Variants in FASTK observed in about 807,000 individuals in gnomAD.
FASTK encodes the protein fas-activated serine/threonine kinase.
In FASTK, 28 loss-of-function variants were observed where a neutral mutation model predicts 60.0. The ratio of observed to expected loss-of-function variants is 0.47; its 90% CI spans 0.35 to 0.64. The LOEUF (loss-of-function observed/expected upper bound fraction) is 0.64. FASTK is among the 30% of genes least tolerant of loss of function. The pLI, the probability that FASTK is intolerant of heterozygous loss-of-function variation, is 0.01. For missense variants in FASTK, 595 were observed against 713.8 expected, an observed-to-expected ratio of 0.83 and a Z score of 1.90; for synonymous variants, 325 against 307.9, an observed-to-expected ratio of 1.06 and a Z score of -0.58.
chr7:151,079,808 C>T lies in FASTK; in HGVS notation c.197G>A (p.Ser66Asn), dbSNP rs1281041768. The change falls in exon 2 of 10, where the codon AGC (serine) becomes AAC (asparagine). Residue 66 changes from serine (S) to asparagine (N), a missense_variant. Ser to Asn is a conservative substitution (Grantham distance 46, BLOSUM62 1). Around this residue, in one of 2 missense-constraint regions of FASTK, gnomAD observed 124 missense variants for 107.9 expected, o/e 1.15. Coordinates refer to ENST00000297532, the MANE Select transcript of FASTK (RefSeq NM_006712.5). ...TCCAACAGGCCGGTCCCCCCATTTG[C>T]TGGGCCCCAAACAGCAGGGCTGTAC... ...PPVQPCCLGP[S>N]KWGDRPVGGG... 1.2e-6 allele frequency: 2 copies of T among 1,600,808 alleles called. No homozygotes were observed. Among genetic ancestry groups the T allele is most frequent in the Non-Finnish European group, 1.7e-6 (2 of 1,173,724 alleles).
chr7:151,079,283 G>A (rs1227236464), intron 2 of FASTK: 4 of 597,704 alleles, frequency 6.7e-6, no homozygotes, highest in Non-Finnish European at 1.1e-5. Flanking sequence ...GGCTTCCTAG[G>A]GCACTCTATT....
chr7:151,080,238 C>T, intron 1 of FASTK: 1 of 388,912 alleles, frequency 2.6e-6, no homozygotes, highest in Non-Finnish European at 4.6e-6. Context: ...AACGCAGGCC[C>T]AGAGCAGCGA....
At chr7:151,080,187 G>A (rs535450477) in intron 1 of FASTK, 5 of 469,924 alleles carry the variant, frequency 1.1e-5, no homozygotes, top group Admixed American at 7.7e-5. Context: ...CGCCCATGAA[G>A]AGTAGGCAGG....
intron 1 of FASTK, chr7:151,080,235 GC>G (rs1797913488): frequency 5.1e-6 from 2 of 388,730 alleles, no homozygotes; most frequent in Non-Finnish European, 9.2e-6. Flanking sequence ...AGAAACGCAG[GC>G]CCAGAGCAGC....
At chr7:151,080,206 T>C in intron 1 of FASTK, 1 of 423,510 alleles carries the variant, frequency 2.4e-6, no homozygotes, top group Non-Finnish European at 4.2e-6. Context: ...GGGCTGGCAT[T>C]ACCTCATTTC....
At chr7:151,079,079 TG>T (rs1218047534) in intron 2 of FASTK, 58 bp from the exon 3 acceptor site, 1 of 1,370,302 alleles carries the variant, frequency 7.3e-7, no homozygotes, top group Non-Finnish European at 9.6e-7. Context: ...GTTCTTATCA[TG>T]GGGTTACTTG....
Position 151,078,487 on chromosome 7 carries a change from G to A in FASTK, c.825+75C>T, listed in dbSNP as rs549641671. The A allele has an allele frequency of 2.9e-3, 4,484 of 1,521,984 alleles. 12 individuals are homozygous for A. The highest frequency in any genetic ancestry group is 3.6e-3 in the Non-Finnish European group (4,020 of 1,108,130). The allele number at this position is 1,521,984 out of a possible 1,614,324, so 94.3% of individuals were successfully genotyped here. On this transcript the variant is annotated intron_variant, in intron 4 of 9. Coordinates refer to ENST00000297532, the MANE Select transcript of FASTK (RefSeq NM_006712.5). ...TCTGCTTCAGGAAAAGGATAGCCGA[G>A]CTGCACGAGGCGCTGGGCCTGACAA...
At chr7:151,078,512 A>G in intron 4 of FASTK, 50 bp downstream of exon 4, 3 of 1,597,552 alleles carry the variant, frequency 1.9e-6, no homozygotes, top group Non-Finnish European at 2.6e-6. Context: ...GGGCCTGACA[A>G]GGTCCCTGAG....
chr7:151,078,913 C>T lies in FASTK; in HGVS notation c.614G>A (p.Gly205Glu). Residue 205 changes from glycine to glutamate, a missense_variant, in exon 3 of 10, where the codon GGG becomes GAG. Physicochemically the swap from Gly to Glu is moderately conservative, Grantham distance 98. Around this residue, in one of 2 missense-constraint regions of FASTK, gnomAD observed 471 missense variants for 605.9 expected, o/e 0.78. Coordinates refer to ENST00000297532, the MANE Select transcript of FASTK (RefSeq NM_006712.5). ...GGGGCAGCTTAGAGCAGCTTCCAAC[C>T]CTTGCCCACCTCGGAGAAGGGGCTG... ...PLQPLLRGGQ[G>E]LEAALSCPRF... The T allele has an allele frequency of 6.3e-7, 1 of 1,582,992 alleles. No homozygotes were observed. The highest frequency in any genetic ancestry group is 8.5e-7 in the Non-Finnish European group (1 of 1,170,114).
rs1466695678 is a variant in FASTK, at chr7:151,078,423, G to A, written c.825+139C>T. ...GAGGTGGGCAAGCCACAGAAAGGGT[G>A]TAGAAAAGATGCAGGTCCCAGGGGA... On this transcript the variant is annotated intron_variant, in intron 4 of 9. Transcript: ENST00000297532. The A allele has an allele frequency of 4.2e-6, 4 of 942,428 alleles. No individual in the cohort carries two copies. The African/African-American group carries it at 5.0e-5, about 12-fold the overall frequency. The allele number at this position is 942,428 out of a possible 1,614,324, so 58.4% of individuals were successfully genotyped here. A position where few individuals can be genotyped will look rare whatever the true frequency, so the allele number is the denominator to read the frequency against.
intron 1 of FASTK, 62 bp downstream of exon 1, chr7:151,080,623 G>A: frequency 3.6e-6 from 5 of 1,379,244 alleles, no homozygotes; most frequent in South Asian, 1.6e-5. Context: ...GACCGTGGCC[G>A]CTGCCGCTAA....
Position 151,078,614 on chromosome 7 carries a change from A to G in FASTK, c.773T>C (p.Leu258Pro). 6.2e-7 allele frequency: 1 copy of G among 1,613,700 alleles called. No homozygotes were observed. The highest frequency in any genetic ancestry group is 1.1e-5 in the South Asian group (1 of 91,080). The change falls in exon 4 of 10, where the codon CTG (leucine) becomes CCG (proline). Residue 258 changes from leucine to proline, a missense_variant. Around this residue, in one of 2 missense-constraint regions of FASTK, gnomAD observed 471 missense variants for 605.9 expected, o/e 0.78. Transcript: ENST00000297532. ...ARHRLREPQL[L>P]EAIAHFLVVQ... The stretch of plus-strand genomic sequence containing the variant: ...CACCAGGAAGTGGGCAATGGCTTCC[A>G]GAAGCTGGGGCTCCCGCAACCGGTG...
intron 6 of FASTK, 91 bp from the exon 7 acceptor site, chr7:151,077,492 T>C (rs1400296051): frequency 6.6e-7 from 1 of 1,525,222 alleles, no homozygotes; most frequent in Non-Finnish European, 9.0e-7. Context: ...CAAAGCCCTC[T>C]GCTGCTTCAG....
chr7:151,077,773 A>C lies in FASTK; in HGVS notation c.1047T>G (p.Pro349=). Residue 349 remains proline, a synonymous_variant, in exon 6 of 10, where the codon CCT becomes CCG. Transcript: ENST00000297532. ...PGFINYISGT[P]HALIVRRYLS... ...GGTAGCGACGCACAATCAGAGCATGAGGGGTGCCTGTGGGGAGGCGGGGAC... is the reference window on the plus strand; with the variant it reads ...GGTAGCGACGCACAATCAGAGCATGCGGGGTGCCTGTGGGGAGGCGGGGAC... 6.3e-7 allele frequency: 1 copy of C among 1,596,564 alleles called. No homozygotes were observed. The highest frequency in any genetic ancestry group is 8.6e-7 in the Non-Finnish European group (1 of 1,168,134).
chr7:151,077,115 T>C lies in FASTK; in HGVS notation c.1413A>G (p.Arg471=). The change falls in exon 8 of 10, where the codon CGA becomes CGG. Residue 471 remains arginine, a synonymous_variant. Coordinates refer to ENST00000297532, the MANE Select transcript of FASTK (RefSeq NM_006712.5). ...GCCTCCTTTACCTCTGGGCAGGGTC[T>C]CGAGTAGTGGCGCTAGAGGCAGCCT... is the stretch of plus-strand genomic sequence containing the variant. ...QGQAASSATT[R]DPAQRVVLVL... The C allele has an allele frequency of 6.2e-7, 1 of 1,611,218 alleles. No homozygotes were observed. Among genetic ancestry groups the C allele is most frequent in the Non-Finnish European group, 8.5e-7 (1 of 1,178,452 alleles).
chr7:151,080,327 A>C, intron 1 of FASTK: 1 of 509,558 alleles, frequency 2.0e-6, no homozygotes, highest in Non-Finnish European at 2.9e-6. Flanking sequence ...ACCGGCGTGC[A>C]CTCTCCCGAC....
intron 1 of FASTK, chr7:151,080,451 T>G (rs1393534322): frequency 1.6e-6 from 2 of 1,253,976 alleles, no homozygotes; most frequent in Admixed American, 4.2e-5. Flanking sequence ...GGCGTGACCT[T>G]GGACAAGTGG....
At position 151,079,510 on chromosome 7, in the gene FASTK, T is replaced by C. The variant is rs760712698; in HGVS notation, c.495A>G (p.Ala165=). 4 of 1,596,854 alleles carry C rather than the reference T, an allele frequency of 2.5e-6. No homozygotes were observed. In the Admixed American group the frequency reaches 5.1e-5, roughly 20 times the overall value. The stretch of plus-strand genomic sequence containing the variant: ...CAAGCCCCTCCTCACCAAGTAAGAC[T>C]GCAAGGTGCAGACACACGTGGATGG... ...IHTIHVCLHL[A]VLLGFPSDGP... The change falls in exon 2 of 10, where the codon GCA becomes GCG. Residue 165 remains alanine, a synonymous_variant. Transcript: ENST00000297532.
Position 151,079,494 on chromosome 7 carries a change from C to A in FASTK, c.505+6G>T. The A allele has an allele frequency of 6.3e-7, 1 of 1,581,814 alleles. No individual in the cohort carries two copies. The highest frequency in any genetic ancestry group is 8.6e-7 in the Non-Finnish European group (1 of 1,160,032). On this transcript the variant is annotated splice_donor_region_variant and intron_variant, in intron 2 of 9. Coordinates refer to ENST00000297532, the MANE Select transcript of FASTK (RefSeq NM_006712.5). ...CCCCAGGCGCCCACCTCAAGCCCCT[C>A]CTCACCAAGTAAGACTGCAAGGTGC...
Sources: gnomAD v4.1 joint callset for allele counts on GRCh38, gnomAD v4.1.1 for gene constraint, gnomAD v4.1.1 regional missense constraint, MANE v1.5 for transcripts, NCBI Gene and HGNC (gene_info 2026-07-23, HGNC 2026-07-21) for gene names.